The following KCNH7 variants were observed in gnomAD, a reference collection of about 807,000 sequenced individuals.
KCNH7 encodes voltage-gated inwardly rectifying potassium channel KCNH7.
KCNH7 carries 49 observed loss-of-function variants against 120.8 expected under a neutral mutation model. The observed-to-expected ratio is 0.41, with a 90% CI of 0.32 to 0.51. The LOEUF is 0.51. Among genes scored for constraint, KCNH7 ranks in the 20% least tolerant of loss-of-function variants. The pLI, the probability that KCNH7 is intolerant of heterozygous loss-of-function variation, is 0.38. For missense variants in KCNH7, 1,097 were observed against 1,446.6 expected (o/e 0.76, Z 3.92); for synonymous variants, 547 against 516.1 (o/e 1.06, Z -0.81).
At chr2:162,583,299 G>A (rs79361654) in intron 2 of KCNH7, among the ~76,000 whole-genome samples, 3,488 of 152,080 alleles carry the variant, frequency 0.023, 130 homozygotes, top group East Asian at 0.18. Flanking sequence ...TTTCCATAAA[G>A]AGGAAAATTT....
chr2:162,650,313 A>C (rs1421559462), intron 2 of KCNH7, among the ~76,000 whole-genome samples: 1 of 152,214 alleles, frequency 6.6e-6, no homozygotes, highest in Non-Finnish European at 1.5e-5. Context: ...TTGTATAGTT[A>C]AAAATGATTT....
At chr2:162,591,828 A>G (rs1694225217) in intron 2 of KCNH7, among the ~76,000 whole-genome samples, 1 of 151,912 alleles carries the variant, frequency 6.6e-6, no homozygotes, top group Admixed American at 6.6e-5. Context: ...GTATTTTTCT[A>G]CTCAAGAGTC....
At chr2:162,735,076 C>A (rs893581563) in intron 2 of KCNH7, among the ~76,000 whole-genome samples, 1 of 152,162 alleles carries the variant, frequency 6.6e-6, no homozygotes, top group African/African-American at 2.4e-5. Flanking sequence ...AAAAAGTAAG[C>A]AATGGCTATG....
chr2:162,811,910 G>A (rs559248187), intron 2 of KCNH7, among the ~76,000 whole-genome samples: 44 of 152,236 alleles, frequency 2.9e-4, no homozygotes, highest in African/African-American at 1.0e-3. Flanking sequence ...AAAAAAATTA[G>A]ATAAATTGGG....
chr2:162,522,532 G>A (rs1479954477), intron 3 of KCNH7, among the ~76,000 whole-genome samples: 2 of 151,832 alleles, frequency 1.3e-5, no homozygotes, highest in Non-Finnish European at 2.9e-5. Context: ...GCACTTTCAG[G>A]CATGAAATAT....
chr2:162,625,046 C>T (rs1474609194), intron 2 of KCNH7, among the ~76,000 whole-genome samples: 1 of 151,806 alleles, frequency 6.6e-6, no homozygotes, highest in African/African-American at 2.4e-5. Flanking sequence ...TACAGGCATG[C>T]ACCAACACAC....
At chr2:162,468,515 T>A (rs1048705755) in intron 6 of KCNH7, among the ~76,000 whole-genome samples, 1 of 126,086 alleles carries the variant, frequency 7.9e-6, no homozygotes, top group Non-Finnish European at 1.6e-5. Flanking sequence ...TCTTTTCCTT[T>A]TTTTTTTTTT....
At chr2:162,409,377 AAGT>A (rs1473589405) in intron 9 of KCNH7, among the ~76,000 whole-genome samples, 1 of 151,942 alleles carries the variant, frequency 6.6e-6, no homozygotes, top group African/African-American at 2.4e-5. Context: ...ACTAAAGAAG[AAGT>A]AGAACAAATA....
At chr2:162,743,972 G>A (rs1041473820) in intron 2 of KCNH7, among the ~76,000 whole-genome samples, 1 of 152,016 alleles carries the variant, frequency 6.6e-6, no homozygotes, top group African/African-American at 2.4e-5. Context: ...TGGTGAAATG[G>A]ATTTATTTCA....
intron 2 of KCNH7, among the ~76,000 whole-genome samples, chr2:162,817,820 T>C (rs1244045776): frequency 1.3e-5 from 2 of 152,110 alleles, no homozygotes; most frequent in Non-Finnish European, 2.9e-5. Flanking sequence ...TTGCCCATTG[T>C]GTATCTTTCC....
intron 2 of KCNH7, among the ~76,000 whole-genome samples, chr2:162,639,275 A>G (rs2105233261): frequency 6.6e-6 from 1 of 152,294 alleles, no homozygotes; most frequent in Middle Eastern, 3.4e-3. Flanking sequence ...TACTAGCATT[A>G]TCTCATTCAA....
chr2:162,387,796 G>C (rs779780137), intron 12 of KCNH7, among the ~76,000 whole-genome samples: 1 of 151,704 alleles, frequency 6.6e-6, no homozygotes, highest in Non-Finnish European at 1.5e-5. Flanking sequence ...CTAATGGAAC[G>C]ACTGACCCAT....
chr2:162,449,491 G>A (rs1341873859), intron 6 of KCNH7, among the ~76,000 whole-genome samples: 2 of 152,004 alleles, frequency 1.3e-5, no homozygotes, highest in African/African-American at 4.8e-5. Flanking sequence ...GAGGGTTTTT[G>A]TAGATATAAA....
intron 2 of KCNH7, among the ~76,000 whole-genome samples, chr2:162,598,145 C>T (rs766714322): frequency 7.9e-5 from 12 of 151,930 alleles, no homozygotes; most frequent in East Asian, 1.9e-4. Flanking sequence ...GAGAAGCTGC[C>T]GAAGCCAACA....
Position 162,675,585 on chromosome 2 carries a change from T to C in KCNH7, c.308-138505A>G, listed in dbSNP as rs552947251. Among the ~76,000 whole-genome samples, 8 of 151,640 alleles carry C rather than the reference T, an allele frequency of 5.3e-5. No individual in the cohort carries two copies. The East Asian group carries it at 7.7e-4, about 15-fold the overall frequency. On this transcript the variant is annotated intron_variant, in intron 2 of 15. Transcript: ENST00000332142. ...ACACACATCAATACAAGGTAAATCT[T>C]AGAGCAGTCATTTGAGTGAAAAATA...
intron 9 of KCNH7, among the ~76,000 whole-genome samples, chr2:162,410,189 G>C (rs1687343108): frequency 6.6e-6 from 1 of 152,044 alleles, no homozygotes; most frequent in East Asian, 1.9e-4. Flanking sequence ...ATACTACAAG[G>C]TTACAGTAAC....
chr2:162,792,046 T>C (rs969677365), intron 2 of KCNH7, among the ~76,000 whole-genome samples: 1 of 152,058 alleles, frequency 6.6e-6, no homozygotes, highest in Admixed American at 6.6e-5. Context: ...GATAATCATG[T>C]GGTTTGTGTC....
intron 2 of KCNH7, among the ~76,000 whole-genome samples, chr2:162,629,440 A>T (rs1683683100): frequency 6.6e-6 from 1 of 152,116 alleles, no homozygotes. Context: ...GGAAGTGTAG[A>T]TGCAATGAAG....
intron 2 of KCNH7, among the ~76,000 whole-genome samples, chr2:162,805,752 T>C (rs1339387334): frequency 6.6e-6 from 1 of 151,806 alleles, no homozygotes; most frequent in African/African-American, 2.4e-5. Context: ...CAAATGAAAA[T>C]AAGAAATTAT....
Sources: gnomAD v4.1 joint callset for allele counts (sites outside exome capture counted in the v4.1 genomes callset) on GRCh38, gnomAD v4.1.1 for gene constraint, MANE v1.5 for transcripts, NCBI Gene and HGNC (gene_info 2026-07-23, HGNC 2026-07-21) for gene names.